Variants in SLC1A3 observed in about 807,000 individuals in gnomAD.
The protein encoded by SLC1A3 is solute carrier family 1 member 3.
SLC1A3 carries 21 observed loss-of-function variants against 48.1 expected under a neutral mutation model. The ratio of observed to expected loss-of-function variants is 0.44; its 90% CI spans 0.31 to 0.63. The LOEUF is 0.63. Ranked by LOEUF, SLC1A3 falls within the 20% of genes least tolerant of loss-of-function variation. The pLI is 0.08. For synonymous variants in SLC1A3, 239 were observed against 251.4 expected, an observed-to-expected ratio of 0.95 and a Z score of 0.47; for missense variants, 546 against 689.0, an observed-to-expected ratio of 0.79 and a Z score of 2.32.
intron 3 of SLC1A3, among the ~76,000 whole-genome samples, chr5:36,646,949 T>A (rs983148519): frequency 1.3e-5 from 2 of 152,144 alleles, no homozygotes; most frequent in Admixed American, 1.3e-4. Context: ...TGGCAGGAAT[T>A]TTAAAAGTAT....
chr5:36,682,430 A>C (rs1742476286), intron 8 of SLC1A3, among the ~76,000 whole-genome samples: 1 of 152,194 alleles, frequency 6.6e-6, no homozygotes, highest in Non-Finnish European at 1.5e-5. Flanking sequence ...CTCAGGCCCA[A>C]AGTAGTTATA....
intron 3 of SLC1A3, among the ~76,000 whole-genome samples, chr5:36,652,807 A>T (rs936888882): frequency 6.6e-6 from 1 of 152,202 alleles, no homozygotes; most frequent in African/African-American, 2.4e-5. Flanking sequence ...ACATACCCAC[A>T]CTTTCCCCAA....
At chr5:36,642,576 A>C (rs1740658515) in intron 3 of SLC1A3, among the ~76,000 whole-genome samples, 1 of 152,206 alleles carries the variant, frequency 6.6e-6, no homozygotes, top group African/African-American at 2.4e-5. Flanking sequence ...ACTCACATAC[A>C]TGCAATTTAC....
At chr5:36,641,533 A>G (rs1455612531) in intron 3 of SLC1A3, among the ~76,000 whole-genome samples, 2 of 152,166 alleles carry the variant, frequency 1.3e-5, no homozygotes, top group African/African-American at 2.4e-5. Context: ...AAAAATCCCT[A>G]TTATCAGCAT....
intron 2 of SLC1A3, among the ~76,000 whole-genome samples, chr5:36,624,759 T>C (rs1413580011): frequency 6.6e-6 from 1 of 152,104 alleles, no homozygotes; most frequent in Non-Finnish European, 1.5e-5. Flanking sequence ...GGCAGACTAT[T>C]TTAATTAATA....
At chr5:36,601,136 T>A (rs1398979629) in intron 1 of SLC1A3, among the ~76,000 whole-genome samples, 1 of 152,238 alleles carries the variant, frequency 6.6e-6, no homozygotes, top group African/African-American at 2.4e-5. Flanking sequence ...TTATAATTAC[T>A]TTTTTCCTTA....
chr5:36,598,372 T>C (rs1738767905), intron 1 of SLC1A3, among the ~76,000 whole-genome samples: 1 of 152,256 alleles, frequency 6.6e-6, no homozygotes, highest in African/African-American at 2.4e-5. Flanking sequence ...GTGGTGGCTC[T>C]TTTATTATTA....
intron 3 of SLC1A3, among the ~76,000 whole-genome samples, chr5:36,657,239 T>C (rs575738918): frequency 2.9e-4 from 44 of 152,342 alleles, no homozygotes; most frequent in African/African-American, 9.9e-4. Context: ...CATCTTGTAA[T>C]AGCTTCATGT....
upstream of SLC1A3, among the ~76,000 whole-genome samples, chr5:36,604,009 C>T (rs895120923): frequency 1.3e-5 from 2 of 152,114 alleles, no homozygotes; most frequent in African/African-American, 4.8e-5. Context: ...TGCTTATTAC[C>T]GTAATCTCTT....
chr5:36,683,793 T>C, intron 8 of SLC1A3, 71 bp from the exon 9 acceptor site: 1 of 1,557,996 alleles, frequency 6.4e-7, no homozygotes, highest in Non-Finnish European at 8.9e-7. Flanking sequence ...ACCGTGCGTA[T>C]TTTGCAGCGT....
chr5:36,605,055 G>A (rs1043297243), upstream of SLC1A3, among the ~76,000 whole-genome samples: 16 of 152,248 alleles, frequency 1.1e-4, no homozygotes, highest in African/African-American at 3.9e-4. Context: ...TAGTAATTGT[G>A]TTTTAACACA....
upstream of SLC1A3, among the ~76,000 whole-genome samples, chr5:36,603,925 A>T (rs2111633728): frequency 6.6e-6 from 1 of 152,348 alleles, no homozygotes; most frequent in Middle Eastern, 3.4e-3. Context: ...CTCAAAAAAA[A>T]ATCCAATTAA....
intron 2 of SLC1A3, chr5:36,609,108 C>T (rs1243157505): frequency 2.0e-6 from 2 of 985,300 alleles, no homozygotes; most frequent in Non-Finnish European, 2.4e-6. Context: ...TGCACTCTCT[C>T]ACCCAGCAAC....
intron 3 of SLC1A3, chr5:36,667,618 G>T (rs1741806263): frequency 1.3e-5 from 2 of 152,132 alleles, no homozygotes; most frequent in Non-Finnish European, 2.9e-5. Flanking sequence ...AACAATATCT[G>T]CATTATACAA....
chr5:36,663,311 G>A (rs911012292), intron 3 of SLC1A3, among the ~76,000 whole-genome samples: 1 of 150,678 alleles, frequency 6.6e-6, no homozygotes, highest in African/African-American at 2.5e-5. Context: ...CGCTTCCCAG[G>A]TTCGAGCAAT....
At chr5:36,660,515 C>G (rs1741461619) in intron 3 of SLC1A3, among the ~76,000 whole-genome samples, 1 of 152,234 alleles carries the variant, frequency 6.6e-6, no homozygotes, top group Admixed American at 6.5e-5. Flanking sequence ...AATATATCAG[C>G]AATTATTCAA....
intron 5 of SLC1A3, 67 bp downstream of exon 5, chr5:36,674,158 C>T (rs909605238): frequency 1.6e-5 from 19 of 1,188,394 alleles, no homozygotes; most frequent in Non-Finnish European, 2.1e-5. Context: ...CAAGTGGGAC[C>T]CTCTTTTCCC....
At chr5:36,642,534 G>A (rs1052852070) in intron 3 of SLC1A3, among the ~76,000 whole-genome samples, 10 of 152,068 alleles carry the variant, frequency 6.6e-5, no homozygotes, top group Admixed American at 2.0e-4. Flanking sequence ...TTTCAAGTTT[G>A]CCTTATTTTT....
At chr5:36,663,048 G>A (rs1741580483) in intron 3 of SLC1A3, among the ~76,000 whole-genome samples, 1 of 152,230 alleles carries the variant, frequency 6.6e-6, no homozygotes, top group Non-Finnish European at 1.5e-5. Flanking sequence ...TGTAGCCAGA[G>A]AAAAGGGATT....
Sources: gnomAD v4.1 joint callset for allele counts (sites outside exome capture counted in the v4.1 genomes callset) on GRCh38, gnomAD v4.1.1 for gene constraint, MANE v1.5 for transcripts, NCBI Gene and HGNC (gene_info 2026-07-23, HGNC 2026-07-21) for gene names.